CDH13: variants seen among roughly 807,000 people sequenced by gnomAD.
CDH13 encodes cadherin-13.
In CDH13, 24 loss-of-function variants were observed where a neutral mutation model predicts 63.8. That is an observed-to-expected ratio of 0.38 (90% CI 0.27 to 0.53). The LOEUF (loss-of-function observed/expected upper bound fraction) is 0.53, where lower values mean the gene tolerates loss of function less well. Among genes scored for constraint, CDH13 ranks in the 20% least tolerant of loss-of-function variants. The pLI is 0.85. For synonymous variants in CDH13, 503 were observed against 355.3 expected (o/e 1.42, Z -4.67); for missense variants, 1,049 against 903.1 (o/e 1.16, Z -2.07).
chr16:83,249,271 G>C (rs899218298), intron 5 of CDH13, among the ~76,000 whole-genome samples: 1 of 152,190 alleles, frequency 6.6e-6, no homozygotes, highest in Admixed American at 6.5e-5. Flanking sequence ...GCTCATACCA[G>C]CTTTCGTGAG....
chr16:82,770,252 G>C (rs1348041219), intron 1 of CDH13, among the ~76,000 whole-genome samples: 1 of 152,226 alleles, frequency 6.6e-6, no homozygotes, highest in Non-Finnish European at 1.5e-5. Context: ...TTTCCTTTGT[G>C]TGAGTGTGTG....
intron 3 of CDH13, among the ~76,000 whole-genome samples, chr16:83,043,288 A>T (rs1166773804): frequency 6.6e-6 from 1 of 152,156 alleles, no homozygotes; most frequent in Non-Finnish European, 1.5e-5. Context: ...TGGGGGAAAA[A>T]CTGATCCCAT....
chr16:83,359,385 A>G (rs959338801), intron 6 of CDH13, among the ~76,000 whole-genome samples: 17 of 152,150 alleles, frequency 1.1e-4, no homozygotes, highest in African/African-American at 4.1e-4. Flanking sequence ...TGACCAACAA[A>G]ATGCCACGTG....
At chr16:83,065,646 A>T (rs2031943864) in intron 3 of CDH13, among the ~76,000 whole-genome samples, 1 of 151,262 alleles carries the variant, frequency 6.6e-6, no homozygotes, top group Non-Finnish European at 1.5e-5. Flanking sequence ...CAGAGGTTGC[A>T]GTGAGCCAAG....
intron 1 of CDH13, among the ~76,000 whole-genome samples, chr16:82,834,035 A>G (rs1432251825): frequency 1.3e-5 from 2 of 152,216 alleles, no homozygotes; most frequent in Non-Finnish European, 2.9e-5. Context: ...AATAAATAAT[A>G]ATTTTCTCAA....
chr16:83,553,137 A>T (rs888850993), intron 7 of CDH13, among the ~76,000 whole-genome samples: 3 of 151,914 alleles, frequency 2.0e-5, no homozygotes, highest in Non-Finnish European at 2.9e-5. Context: ...GGAAGCATTT[A>T]TTACAGCTGT....
At chr16:83,185,448 AC>A (rs1326713527) in intron 4 of CDH13, among the ~76,000 whole-genome samples, 1 of 152,218 alleles carries the variant, frequency 6.6e-6, no homozygotes, top group Admixed American at 6.5e-5. Context: ...AAAAATTGAG[AC>A]AAATTAAAGT....
chr16:83,336,431 C>G (rs1003818475), intron 5 of CDH13, among the ~76,000 whole-genome samples: 1 of 152,080 alleles, frequency 6.6e-6, no homozygotes, highest in Admixed American at 6.6e-5. Context: ...AGCATCTACG[C>G]TAAAAAACAT....
chr16:83,776,253 A>G (rs1437606035), intron 11 of CDH13, among the ~76,000 whole-genome samples: 2 of 152,368 alleles, frequency 1.3e-5, no homozygotes, highest in Non-Finnish European at 2.9e-5. Flanking sequence ...CTACCAAATG[A>G]CTTGTCTTCA....
rs554988407 is a variant in CDH13 at position 82,785,131 on chromosome 16, G to C, written c.46-73231G>C. Among the ~76,000 whole-genome samples, 3 of 152,270 alleles carry C rather than the reference G, an allele frequency of 2.0e-5. No homozygotes were observed. In the East Asian group the frequency reaches 5.8e-4, roughly 29 times the overall value. On this transcript the variant is annotated intron_variant, in intron 1 of 13. Transcript: ENST00000567109. The stretch of plus-strand genomic sequence containing the variant: ...GAGGGTACTGCAGTCTTTCAGGGGA[G>C]AGACGGGGGCTTGCGTTCGGGGCTG...
intron 2 of CDH13, among the ~76,000 whole-genome samples, chr16:82,901,516 G>A (rs188597538): frequency 3.5e-4 from 54 of 152,210 alleles, no homozygotes; most frequent in African/African-American, 1.3e-3. Flanking sequence ...AAGTGTGTGA[G>A]TGAATAGATC....
intron 3 of CDH13, among the ~76,000 whole-genome samples, chr16:83,060,127 G>A (rs1348359417): frequency 6.6e-6 from 1 of 151,912 alleles, no homozygotes; most frequent in African/African-American, 2.4e-5. Context: ...AAGCTCTATG[G>A]CTTCAAAAAT....
chr16:82,850,309 G>C (rs1332377958), intron 1 of CDH13, among the ~76,000 whole-genome samples: 1 of 152,206 alleles, frequency 6.6e-6, no homozygotes, highest in East Asian at 1.9e-4. Flanking sequence ...AGAGGTTCAA[G>C]ACTTCAGTGG....
chr16:83,119,072 C>T (rs1231039098), intron 3 of CDH13, among the ~76,000 whole-genome samples: 1 of 152,198 alleles, frequency 6.6e-6, no homozygotes, highest in African/African-American at 2.4e-5. Context: ...TTTCTAAATT[C>T]AGCCGTCATC....
intron 5 of CDH13, among the ~76,000 whole-genome samples, chr16:83,331,807 G>A (rs2090485818): frequency 1.3e-5 from 2 of 152,106 alleles, no homozygotes; most frequent in Non-Finnish European, 2.9e-5. Context: ...TGTCTGCAAT[G>A]CAGTGTTGTA....
At chr16:82,726,306 A>T (rs1034498717) in intron 1 of CDH13, among the ~76,000 whole-genome samples, 1 of 152,168 alleles carries the variant, frequency 6.6e-6, no homozygotes, top group Non-Finnish European at 1.5e-5. Context: ...ACAGCTACTC[A>T]ATTCAGCCAA....
chr16:83,716,552 C>T (rs1194923694), intron 10 of CDH13, among the ~76,000 whole-genome samples: 1 of 152,144 alleles, frequency 6.6e-6, no homozygotes, highest in Non-Finnish European at 1.5e-5. Context: ...GGTGCAGTCT[C>T]AGCTCACTGC....
chr16:83,520,840 G>T (rs2074815348), intron 7 of CDH13, among the ~76,000 whole-genome samples: 1 of 152,060 alleles, frequency 6.6e-6, no homozygotes, highest in African/African-American at 2.4e-5. Flanking sequence ...CCACCACATG[G>T]CTCTGGCCTC....
chr16:83,254,740 C>T (rs781291351), intron 5 of CDH13, among the ~76,000 whole-genome samples: 33 of 152,168 alleles, frequency 2.2e-4, no homozygotes, highest in Non-Finnish European at 4.4e-4. Flanking sequence ...TTTTGCTTAG[C>T]TTTACTGTGC....
Sources: allele counts gnomAD v4.1 joint callset (sites outside exome capture counted in the v4.1 genomes callset), GRCh38; gene constraint gnomAD v4.1.1; transcripts MANE v1.5; gene names NCBI Gene and HGNC (gene_info 2026-07-23, HGNC 2026-07-21).